TBC1D32: variants seen among roughly 807,000 people sequenced by gnomAD.
TBC1D32 encodes the protein TBC1 domain family member 32.
Under a neutral mutation model 170.3 loss-of-function variants are expected in TBC1D32, and 151 were observed. That is an observed-to-expected ratio of 0.89 (90% CI 0.78 to 1.01). TBC1D32 has a LOEUF of 1.01. TBC1D32 is among the 50% of genes least tolerant of loss of function. The probability of loss-of-function intolerance (pLI) is 0.00; values close to 1 mark genes in which losing one functional copy is unlikely to be tolerated. For synonymous variants in TBC1D32, 498 were observed against 488.0 expected, an observed-to-expected ratio of 1.02 and a Z score of -0.27; for missense variants, 1,464 against 1,457.1, an observed-to-expected ratio of 1.00 and a Z score of -0.08.
intron 22 of TBC1D32, among the ~76,000 whole-genome samples, chr6:121,182,066 T>A (rs1227974512): frequency 6.6e-6 from 1 of 151,978 alleles, no homozygotes; most frequent in Non-Finnish European, 1.5e-5. Flanking sequence ...CCCAAAAATA[T>A]ATACACTGTC....
chr6:121,313,876 T>G (rs1808578664), intron 3 of TBC1D32, among the ~76,000 whole-genome samples: 1 of 152,098 alleles, frequency 6.6e-6, no homozygotes, highest in African/African-American at 2.4e-5. Context: ...AAAAGAGCAT[T>G]GTAGAGCTTT....
chr6:121,218,921 T>C (rs1487260042), intron 21 of TBC1D32, among the ~76,000 whole-genome samples: 1 of 152,186 alleles, frequency 6.6e-6, no homozygotes, highest in Non-Finnish European at 1.5e-5. Context: ...TCCACCATGA[T>C]TGTAAGTTTC....
intron 24 of TBC1D32, chr6:121,139,767 T>C (rs76401288): frequency 1.3e-3 from 199 of 152,240 alleles, no homozygotes; most frequent in African/African-American, 4.6e-3. Context: ...AGAACTTTTT[T>C]ACTCACTCAC....
chr6:121,188,949 A>G (rs1381977701), intron 22 of TBC1D32, among the ~76,000 whole-genome samples: 2 of 152,166 alleles, frequency 1.3e-5, no homozygotes, highest in Non-Finnish European at 1.5e-5. Context: ...ATAAAACAAA[A>G]ACAAACATAT....
chr6:121,254,748 A>G (rs1798748772), intron 17 of TBC1D32, among the ~76,000 whole-genome samples: 1 of 152,100 alleles, frequency 6.6e-6, no homozygotes, highest in Non-Finnish European at 1.5e-5. Context: ...CCAATATTTG[A>G]TTATAAAATA....
At chr6:121,264,355 A>G (rs2128411574) in intron 15 of TBC1D32, among the ~76,000 whole-genome samples, 2 of 152,190 alleles carry the variant, frequency 1.3e-5, no homozygotes, top group South Asian at 4.2e-4. Context: ...GGACACATAA[A>G]CCCTCCCAAG....
chr6:121,277,247 G>A (rs2128438855), intron 15 of TBC1D32, among the ~76,000 whole-genome samples: 1 of 152,178 alleles, frequency 6.6e-6, no homozygotes, highest in South Asian at 2.1e-4. Flanking sequence ...CCAGTACTTT[G>A]GGGGCCAAGG....
intron 3 of TBC1D32, among the ~76,000 whole-genome samples, chr6:121,314,984 G>A (rs186256471): frequency 3.3e-5 from 5 of 152,232 alleles, no homozygotes; most frequent in Admixed American, 1.3e-4. Flanking sequence ...ATCCCTATAC[G>A]GGAAGTAGTA....
chr6:121,312,017 C>G (rs142276021), intron 3 of TBC1D32, among the ~76,000 whole-genome samples: 2 of 152,100 alleles, frequency 1.3e-5, no homozygotes, highest in Non-Finnish European at 2.9e-5. Flanking sequence ...TGGAATACTA[C>G]GCAGCCATAA....
rs745404564 is a variant in TBC1D32, at chr6:121,321,807, T to A, written c.156-13A>T. On this transcript the variant is annotated splice_polypyrimidine_tract_variant and intron_variant, in intron 1 of 31. Transcript: ENST00000398212. Reference sequence around the variant, plus strand: ...CACAAATTCATAGCTGAAACAAATATTTAGAAAATAAATGCGGTAAATATC... The same window carrying A: ...CACAAATTCATAGCTGAAACAAATAATTAGAAAATAAATGCGGTAAATATC... 5.6e-6 allele frequency: 9 copies of A among 1,600,340 alleles called. No homozygotes were observed. The Admixed American group carries it at 1.2e-4, about 21-fold the overall frequency.
intron 5 of TBC1D32, among the ~76,000 whole-genome samples, chr6:121,307,417 T>C (rs61542337): frequency 0.051 from 7,714 of 152,140 alleles, 369 homozygotes; most frequent in African/African-American, 0.12. Context: ...AGGATATTCC[T>C]TTACAAGATA....
intron 18 of TBC1D32, 100 bp downstream of exon 18, chr6:121,242,101 G>A: frequency 7.9e-7 from 1 of 1,262,084 alleles, no homozygotes; most frequent in East Asian, 2.4e-5. Context: ...TTTTAACAGA[G>A]GCTTAATAAC....
chr6:121,101,081 T>A (rs1778001321), intron 30 of TBC1D32, among the ~76,000 whole-genome samples: 1 of 152,050 alleles, frequency 6.6e-6, no homozygotes, highest in Non-Finnish European at 1.5e-5. Context: ...GCTCTGAAAT[T>A]GAGGCAATAA....
intron 15 of TBC1D32, among the ~76,000 whole-genome samples, chr6:121,269,310 A>G (rs895418324): frequency 1.3e-5 from 2 of 152,188 alleles, no homozygotes; most frequent in African/African-American, 4.8e-5. Context: ...TAAAAGACAT[A>G]GACTGGCAAA....
At chr6:121,249,574 G>A (rs1431966142) in intron 17 of TBC1D32, among the ~76,000 whole-genome samples, 2 of 151,800 alleles carry the variant, frequency 1.3e-5, no homozygotes, top group African/African-American at 2.4e-5. Context: ...ACTCTGAAGA[G>A]TCATCCAAAA....
chr6:121,114,167 C>A (rs1779468855), intron 27 of TBC1D32, among the ~76,000 whole-genome samples: 1 of 152,080 alleles, frequency 6.6e-6, no homozygotes, highest in African/African-American at 2.4e-5. Flanking sequence ...GAGCGAGATT[C>A]CATCACACAC....
At chr6:121,143,815 A>AT (rs906823684) in intron 24 of TBC1D32, among the ~76,000 whole-genome samples, 33 of 148,550 alleles carry the variant, frequency 2.2e-4, no homozygotes, top group Non-Finnish European at 3.4e-4. Flanking sequence ...ATTTAGCTCT[A>AT]TTTTTTTTTT....
intron 9 of TBC1D32, among the ~76,000 whole-genome samples, chr6:121,300,495 G>C (rs1157939340): frequency 6.6e-6 from 1 of 151,942 alleles, no homozygotes; most frequent in Non-Finnish European, 1.5e-5. Flanking sequence ...AAGCAATGAG[G>C]AAAGGATTTC....
chr6:121,092,894 C>G (rs1002309130), intron 30 of TBC1D32, among the ~76,000 whole-genome samples: 1 of 152,112 alleles, frequency 6.6e-6, no homozygotes, highest in African/African-American at 2.4e-5. Flanking sequence ...ACAATTCAGC[C>G]TATACCAGAG....
Sources: gnomAD v4.1 joint callset for allele counts (sites outside exome capture counted in the v4.1 genomes callset) on GRCh38, gnomAD v4.1.1 for gene constraint, MANE v1.5 for transcripts, NCBI Gene and HGNC (gene_info 2026-07-23, HGNC 2026-07-21) for gene names.